ACSM1: variants seen among roughly 807,000 people sequenced by gnomAD.
ACSM1 encodes acyl-CoA synthetase medium chain family member 1, also known as acyl-coenzyme A synthetase ACSM1, mitochondrial.
In ACSM1, 79 loss-of-function variants were observed where a neutral mutation model predicts 75.8. The ratio of observed to expected loss-of-function variants is 1.04; its 90% CI spans 0.87 to 1.26. ACSM1 has a LOEUF of 1.26. Ranked by LOEUF, ACSM1 falls within the 50% of genes most tolerant of loss-of-function variation. The probability of loss-of-function intolerance (pLI) is 0.00; values close to 1 mark genes in which losing one functional copy is unlikely to be tolerated. For synonymous variants in ACSM1, 279 were observed against 265.8 expected (o/e 1.05, Z -0.48); for missense variants, 676 against 720.1 (o/e 0.94, Z 0.70).
Position 20,685,340 on chromosome 16 carries a change from A to G in ACSM1, c.256T>C (p.Trp86Arg), listed in dbSNP as rs1433411100. 1.2e-6 allele frequency: 2 copies of G among 1,614,020 alleles called. No individual in the cohort carries two copies. Among genetic ancestry groups the G allele is most frequent in the Non-Finnish European group, 1.7e-6 (2 of 1,180,012 alleles). Residue 86 changes from tryptophan (W) to arginine (R), a missense_variant, in exon 3 of 14, where the codon TGG becomes CGG. Transcript: ENST00000520010. ...AGGTCTCCCATCTCTCTGAAGCTCC[A>G]CTTTACTTCATCCCCTTGGCCATTC... ...WVNGQGDEVK[W>R]SFREMGDLTR...
chr16:20,690,659 A>C (rs1235978349), intron 2 of ACSM1, among the ~76,000 whole-genome samples: 2 of 152,244 alleles, frequency 1.3e-5, no homozygotes, highest in Non-Finnish European at 2.9e-5. Flanking sequence ...CATTCACTGA[A>C]GATGAGAACT....
At chr16:20,683,005 ATTCTCATCCC>A (rs1263697274) in intron 3 of ACSM1, among the ~76,000 whole-genome samples, 1 of 151,972 alleles carries the variant, frequency 6.6e-6, no homozygotes, top group African/African-American at 2.4e-5. Context: ...TTCCTTCTGG[ATTCTCATCCC>A]TCCACCAGTT....
intron 9 of ACSM1, 120 bp from the exon 10 acceptor site, chr16:20,636,960 A>AG: frequency 1.4e-6 from 1 of 740,074 alleles, no homozygotes. Flanking sequence ...AGGAAACATC[A>AG]GAAAATGGAA....
At chr16:20,674,369 GT>G in intron 4 of ACSM1, 1 of 212,600 alleles carries the variant, frequency 4.7e-6, no homozygotes, top group South Asian at 5.7e-5. Context: ...AAGAAATGAT[GT>G]AATGCATGTC....
chr16:20,685,773 T>C (rs1169557798), intron 2 of ACSM1, among the ~76,000 whole-genome samples: 3 of 142,228 alleles, frequency 2.1e-5, no homozygotes, highest in Non-Finnish European at 3.0e-5. Context: ...TGAGCCAAGA[T>C]TGCACCATTG....
At chr16:20,677,986 C>T (rs2079342635) in intron 4 of ACSM1, among the ~76,000 whole-genome samples, 2 of 141,096 alleles carry the variant, frequency 1.4e-5, no homozygotes, top group African/African-American at 5.8e-5. Flanking sequence ...GCAAGGGGCA[C>T]CATAAAGGAA....
In ACSM1 at chr16:20,691,097, G is replaced by A. The variant is rs2079645314; in HGVS notation, c.92C>T (p.Ser31Phe). Residue 31 changes from serine (S) to phenylalanine (F), a missense_variant, in exon 2 of 14, where the codon TCT becomes TTT. Ser to Phe is a radical substitution (Grantham distance 155). Transcript: ENST00000520010. ...TCTTGGGGCTCCAAATTCTGATAAA[G>A]ACCGGCAGCGCAGCTGTGAAGGGGC... ...HPAPSQLRCR[S>F]LSEFGAPRWN... The A allele has an allele frequency of 8.1e-6, 13 of 1,613,570 alleles. No homozygotes were observed. The highest frequency in any genetic ancestry group is 1.1e-5 in the Non-Finnish European group (13 of 1,179,832).
intron 6 of ACSM1, among the ~76,000 whole-genome samples, chr16:20,668,315 T>C (rs1487545547): frequency 6.6e-6 from 1 of 152,154 alleles, no homozygotes; most frequent in Non-Finnish European, 1.5e-5. Context: ...ACTTTAAGCA[T>C]TTACTAAGGC....
At chr16:20,696,878 C>T (rs914745735) in intron 1 of ACSM1, among the ~76,000 whole-genome samples, 1 of 152,178 alleles carries the variant, frequency 6.6e-6, no homozygotes, top group South Asian at 2.1e-4. Flanking sequence ...AGATGTTTGT[C>T]TCTGTTGTCT....
rs780135224 is a variant in ACSM1, at chr16:20,636,793, G to A, written c.1245C>T (p.Asn415=). ...TGACAGGTTTGATTCTGATGCCAAT[G>A]TTTCCTTCTGTGTTAGGTGGCAGGA... ...GSILPPNTEG[N]IGIRIKPVRP... Residue 415 remains asparagine (N), a synonymous_variant, in exon 10 of 14, where the codon AAC becomes AAT. Transcript: ENST00000520010. The A allele has an allele frequency of 3.7e-6, 6 of 1,613,976 alleles. No homozygotes were observed. The highest frequency in any genetic ancestry group is 5.1e-6 in the Non-Finnish European group (6 of 1,180,030).
At chr16:20,624,695 T>C (rs1773106560) in intron 12 of ACSM1, among the ~76,000 whole-genome samples, 1 of 152,154 alleles carries the variant, frequency 6.6e-6, no homozygotes, top group South Asian at 2.1e-4. Context: ...AGGTGATTAA[T>C]AAAGACTTTT....
intron 1 of ACSM1, among the ~76,000 whole-genome samples, chr16:20,695,210 C>T (rs892494147): frequency 2.6e-5 from 4 of 152,150 alleles, no homozygotes; most frequent in Admixed American, 6.5e-5. Context: ...TCAAACAACA[C>T]GGGCTCAAAT....
At position 20,691,011 on chromosome 16, in the gene ACSM1, C is replaced by G. The variant is rs1482527607; in HGVS notation, c.178G>C (p.Ala60Pro). 6.2e-7 allele frequency: 1 copy of G among 1,609,492 alleles called. No homozygotes were observed. Among genetic ancestry groups the G allele is most frequent in the South Asian group, 1.1e-5 (1 of 89,954 alleles). The change falls in exon 2 of 14, where the codon GCT (alanine) becomes CCT (proline). Residue 60 changes from alanine to proline, a missense_variant. Coordinates refer to ENST00000520010, the MANE Select transcript of ACSM1 (RefSeq NM_001318890.3). ...NFASYVLDYWAQKEKEGKRGP... is the reference protein window; with the variant it reads ...NFASYVLDYWPQKEKEGKRGP... ...AGATCTCTTACCTTCTCCTTTTGAGCCCAGTAGTCCAGTACATAACTTGCA... is the reference window on the plus strand; with the variant it reads ...AGATCTCTTACCTTCTCCTTTTGAGGCCAGTAGTCCAGTACATAACTTGCA...
intron 10 of ACSM1, among the ~76,000 whole-genome samples, chr16:20,634,045 A>G (rs1482697137): frequency 2.6e-5 from 4 of 152,232 alleles, no homozygotes; most frequent in African/African-American, 9.6e-5. Context: ...GATCATTGCA[A>G]TAGAATAGAG....
At chr16:20,641,099 G>A (rs2018031443) in intron 7 of ACSM1, among the ~76,000 whole-genome samples, 1 of 152,202 alleles carries the variant, frequency 6.6e-6, no homozygotes, top group South Asian at 2.1e-4. Context: ...AGCAGATTAA[G>A]CTGAGTAGGG....
chr16:20,684,461 C>G (rs754761147), intron 3 of ACSM1, among the ~76,000 whole-genome samples: 20 of 152,232 alleles, frequency 1.3e-4, no homozygotes, highest in African/African-American at 3.6e-4. Flanking sequence ...CAGAATATAC[C>G]CCCTGATGTG....
At chr16:20,670,849 C>T (rs913206474) in intron 5 of ACSM1, among the ~76,000 whole-genome samples, 5 of 152,154 alleles carry the variant, frequency 3.3e-5, no homozygotes, top group South Asian at 2.1e-4. Flanking sequence ...TGCCCCTCTT[C>T]GGGTTAATAC....
chr16:20,631,008 T>C (rs957958509), intron 10 of ACSM1, among the ~76,000 whole-genome samples: 2 of 152,334 alleles, frequency 1.3e-5, no homozygotes, highest in African/African-American at 4.8e-5. Flanking sequence ...TTAAAACTTA[T>C]AGATTGCAGC....
At chr16:20,671,072 C>T (rs879396830) in intron 5 of ACSM1, among the ~76,000 whole-genome samples, 4 of 152,092 alleles carry the variant, frequency 2.6e-5, no homozygotes, top group Non-Finnish European at 5.9e-5. Context: ...ATATTTTCTT[C>T]CCTAGAAGTG....
Sources: gnomAD v4.1 joint callset for allele counts (sites outside exome capture counted in the v4.1 genomes callset) on GRCh38, gnomAD v4.1.1 for gene constraint, MANE v1.5 for transcripts, NCBI Gene and HGNC (gene_info 2026-07-23, HGNC 2026-07-21) for gene names.